Variants in RAPGEF4 observed in about 807,000 individuals in gnomAD.
RAPGEF4 encodes RAP guanine-nucleotide-exchange factor (GEF) 4.
A neutral mutation model predicts 147.9 loss-of-function variants in RAPGEF4; 66 were observed. The observed-to-expected ratio is 0.45, with a 90% CI of 0.37 to 0.55. RAPGEF4 has a LOEUF of 0.55. Among genes scored for constraint, RAPGEF4 ranks in the 20% least tolerant of loss-of-function variants. The pLI, the probability that RAPGEF4 is intolerant of heterozygous loss-of-function variation, is 0.00. For synonymous variants in RAPGEF4, 419 were observed against 442.7 expected (o/e 0.95, Z 0.67); for missense variants, 1,071 against 1,257.3 (o/e 0.85, Z 2.24).
intron 23 of RAPGEF4, among the ~76,000 whole-genome samples, chr2:173,021,449 G>A (rs1696078547): frequency 6.6e-6 from 1 of 152,142 alleles, no homozygotes. Flanking sequence ...AAGACCGAGC[G>A]TGGTGGCGGG....
chr2:172,822,894 G>A (rs1006010778), intron 4 of RAPGEF4, among the ~76,000 whole-genome samples: 7 of 152,154 alleles, frequency 4.6e-5, no homozygotes, highest in Non-Finnish European at 8.8e-5. Flanking sequence ...TTGATGCCAC[G>A]TTAAACATTT....
intron 11 of RAPGEF4, among the ~76,000 whole-genome samples, chr2:172,984,350 T>C (rs1692006045): frequency 6.6e-6 from 1 of 152,212 alleles, no homozygotes; most frequent in Non-Finnish European, 1.5e-5. Flanking sequence ...GGTGTTCTGC[T>C]ACCTCACAGT....
chr2:172,756,651 C>T (rs1695807910), intron 1 of RAPGEF4, among the ~76,000 whole-genome samples: 1 of 152,130 alleles, frequency 6.6e-6, no homozygotes, highest in African/African-American at 2.4e-5. Flanking sequence ...ACCTTGTTTC[C>T]CACACCTGGA....
intron 8 of RAPGEF4, 58 bp from the exon 9 acceptor site, chr2:172,965,504 C>T (rs1310094573): frequency 1.3e-6 from 2 of 1,569,828 alleles, no homozygotes; most frequent in African/African-American, 1.4e-5. Flanking sequence ...AAGCCATCTC[C>T]CATCCTCTAT....
At chr2:173,013,046 T>C (rs1440403363) in intron 17 of RAPGEF4, among the ~76,000 whole-genome samples, 2 of 152,276 alleles carry the variant, frequency 1.3e-5, no homozygotes, top group Non-Finnish European at 2.9e-5. Flanking sequence ...TGAGCAATTT[T>C]CTTTTTTATG....
chr2:172,913,049 C>T (rs1446126598), intron 4 of RAPGEF4, among the ~76,000 whole-genome samples: 1 of 152,060 alleles, frequency 6.6e-6, no homozygotes, highest in East Asian at 1.9e-4. Context: ...GCGCCCACCA[C>T]CATGCCTGGC....
At chr2:172,807,500 G>A (rs116292518) in intron 3 of RAPGEF4, among the ~76,000 whole-genome samples, 265 of 152,322 alleles carry the variant, frequency 1.7e-3, no homozygotes, top group African/African-American at 6.0e-3. Flanking sequence ...AAATGCTTCT[G>A]CAGCACATAC....
intron 1 of RAPGEF4, among the ~76,000 whole-genome samples, chr2:172,758,573 A>G (rs1211079244): frequency 1.3e-5 from 2 of 152,184 alleles, no homozygotes; most frequent in African/African-American, 4.8e-5. Context: ...AGCAGTGAAG[A>G]TAATGAGAAG....
chr2:173,014,864 C>T (rs1695365589), intron 18 of RAPGEF4, among the ~76,000 whole-genome samples: 1 of 152,102 alleles, frequency 6.6e-6, no homozygotes, highest in African/African-American at 2.4e-5. Context: ...TATGTTTTAT[C>T]TTGTAGTCAC....
At chr2:173,009,357 AT>A (rs370872093) in intron 17 of RAPGEF4, among the ~76,000 whole-genome samples, 27 of 152,346 alleles carry the variant, frequency 1.8e-4, no homozygotes, top group African/African-American at 6.5e-4. Context: ...ATTAAAAAAT[AT>A]TGAAGGCTTT....
intron 3 of RAPGEF4, among the ~76,000 whole-genome samples, chr2:172,806,095 G>A (rs1220924674): frequency 6.7e-6 from 1 of 150,294 alleles, no homozygotes; most frequent in Non-Finnish European, 1.5e-5. Context: ...GAGAGAGAAG[G>A]TCCTGTTTTT....
intron 4 of RAPGEF4, among the ~76,000 whole-genome samples, chr2:172,828,900 G>C (rs572852442): frequency 3.3e-5 from 5 of 152,298 alleles, no homozygotes; most frequent in African/African-American, 1.2e-4. Context: ...TGAAGGAAAG[G>C]CTGCAAGGAG....
intron 1 of RAPGEF4, among the ~76,000 whole-genome samples, chr2:172,787,775 A>G (rs1685368543): frequency 6.6e-6 from 1 of 151,954 alleles, no homozygotes; most frequent in Non-Finnish European, 1.5e-5. Flanking sequence ...ATGCACCAAA[A>G]TGCTTGGCTC....
intron 16 of RAPGEF4, among the ~76,000 whole-genome samples, chr2:172,999,310 A>G (rs1386669625): frequency 6.6e-6 from 1 of 152,172 alleles, no homozygotes; most frequent in African/African-American, 2.4e-5. Flanking sequence ...TCTTTCTCAT[A>G]AATCAGAAAT....
At chr2:172,967,122 G>A in intron 9 of RAPGEF4, 139 bp from the exon 10 acceptor site, 1 of 774,962 alleles carries the variant, frequency 1.3e-6, no homozygotes, top group South Asian at 1.8e-5. Flanking sequence ...GTCTGGGCAG[G>A]GCAGAGTGAG....
upstream of RAPGEF4, chr2:172,735,831 C>G: frequency 4.1e-6 from 2 of 488,148 alleles, no homozygotes; most frequent in Non-Finnish European, 5.8e-6. Flanking sequence ...GCCGCGGGAG[C>G]CCGCGGGGAG....
chr2:172,736,102 C>T, intron 1 of RAPGEF4, 54 bp downstream of exon 1: 1 of 1,348,912 alleles, frequency 7.4e-7, no homozygotes. Flanking sequence ...CTGCCCGGGC[C>T]CTGAGACCGC....
At chr2:172,758,262 C>T (rs1275382708) in intron 1 of RAPGEF4, among the ~76,000 whole-genome samples, 1 of 151,884 alleles carries the variant, frequency 6.6e-6, no homozygotes, top group Non-Finnish European at 1.5e-5. Flanking sequence ...ATGTTGTGGC[C>T]AGGGTGAAGT....
chr2:172,781,764 A>T, intron 1 of RAPGEF4, among the ~76,000 whole-genome samples: 1 of 152,192 alleles, frequency 6.6e-6, no homozygotes, highest in East Asian at 1.9e-4. Context: ...AACCTAATAC[A>T]ACACCTAATA....
Sources: gnomAD v4.1 joint callset for allele counts (sites outside exome capture counted in the v4.1 genomes callset) on GRCh38, gnomAD v4.1.1 for gene constraint, MANE v1.5 for transcripts, NCBI Gene and HGNC (gene_info 2026-07-23, HGNC 2026-07-21) for gene names.